Variants in LRRC4C observed in about 807,000 individuals in gnomAD.
LRRC4C encodes the protein leucine rich repeat containing 4C, also known as leucine-rich repeat-containing protein 4C.
Under a neutral mutation model 33.6 loss-of-function variants are expected in LRRC4C, and 5 were observed. The ratio of observed to expected loss-of-function variants is 0.15; its 90% CI spans 0.08 to 0.31. The LOEUF is 0.31. LRRC4C is among the 10% of genes least tolerant of loss of function. The pLI, the probability that LRRC4C is intolerant of heterozygous loss-of-function variation, is 1.00. For synonymous variants in LRRC4C, 329 were observed against 302.0 expected, an observed-to-expected ratio of 1.09 and a Z score of -0.93; for missense variants, 560 against 796.7, an observed-to-expected ratio of 0.70 and a Z score of 3.58.
intron 1 of LRRC4C, among the ~76,000 whole-genome samples, chr11:41,363,346 A>T (rs946930325): frequency 2.0e-5 from 3 of 152,238 alleles, no homozygotes; most frequent in Non-Finnish European, 2.9e-5. Context: ...AGAGCAAAAC[A>T]TCCATTCTGA....
intron 4 of LRRC4C, among the ~76,000 whole-genome samples, chr11:40,291,065 T>C (rs945254058): frequency 6.6e-6 from 1 of 152,114 alleles, no homozygotes; most frequent in African/African-American, 2.4e-5. Flanking sequence ...TAGGCCTCAG[T>C]TTCCTTTTTT....
At chr11:41,358,491 A>C (rs79293908) in intron 1 of LRRC4C, among the ~76,000 whole-genome samples, 2,389 of 152,314 alleles carry the variant, frequency 0.016, 61 homozygotes, top group African/African-American at 0.053. Context: ...AAGTATTTGC[A>C]AAAGACACAT....
intron 2 of LRRC4C, among the ~76,000 whole-genome samples, chr11:40,729,122 A>G (rs535517903): frequency 3.3e-4 from 51 of 152,302 alleles, no homozygotes; most frequent in South Asian, 1.0e-3. Context: ...ATGTACCCCC[A>G]TATCTAAAAT....
chr11:40,849,787 T>C (rs1249521281), intron 2 of LRRC4C, among the ~76,000 whole-genome samples: 1 of 152,020 alleles, frequency 6.6e-6, no homozygotes, highest in Non-Finnish European at 1.5e-5. Flanking sequence ...CAAACATAGG[T>C]TTGATCATTT....
chr11:40,546,057 TCTTCCTTC>T (rs138499350), intron 3 of LRRC4C, among the ~76,000 whole-genome samples: 9,013 of 146,060 alleles, frequency 0.062, 824 homozygotes, highest in African/African-American at 0.2. Context: ...TTTCTCCAAG[TCTTCCTTC>T]CTTCCTTCCT....
intron 5 of LRRC4C, among the ~76,000 whole-genome samples, chr11:40,239,829 T>C (rs566339085): frequency 1.3e-5 from 2 of 152,342 alleles, no homozygotes; most frequent in African/African-American, 4.8e-5. Flanking sequence ...GATACTGCCT[T>C]GGCATATAAA....
At position 40,574,019 on chromosome 11, in the gene LRRC4C, A is replaced by G. The variant is rs537305948; in HGVS notation, c.-270+74123T>C. On this transcript the variant is annotated intron_variant, in intron 3 of 6. Coordinates refer to ENST00000528697, the MANE Select transcript of LRRC4C (RefSeq NM_001258419.2). ...TTTGATTACGGTGTTAAAGTAGCTC[A>G]GTAATTTACTGACACAGCAATTGTC... Among the ~76,000 whole-genome samples the G allele has an allele frequency of 2.0e-5, 3 of 152,354 alleles. No individual in the cohort carries two copies. In the East Asian group the frequency reaches 5.8e-4, roughly 29 times the overall value.
intron 1 of LRRC4C, among the ~76,000 whole-genome samples, chr11:41,244,652 A>G (rs1265165553): frequency 6.6e-6 from 1 of 152,202 alleles, no homozygotes; most frequent in Non-Finnish European, 1.5e-5. Flanking sequence ...TAGATTTGGC[A>G]TTTTTAGCTG....
At chr11:40,429,061 T>C (rs1013039689) in intron 3 of LRRC4C, among the ~76,000 whole-genome samples, 1 of 152,194 alleles carries the variant, frequency 6.6e-6, no homozygotes, top group Admixed American at 6.5e-5. Context: ...ATTTAACTTT[T>C]CCAAATCCTG....
chr11:41,212,370 G>C (rs940089981), intron 1 of LRRC4C, among the ~76,000 whole-genome samples: 1 of 152,208 alleles, frequency 6.6e-6, no homozygotes, highest in Non-Finnish European at 1.5e-5. Flanking sequence ...CCAATAATCT[G>C]ATTATGCTTA....
At chr11:41,169,933 G>A (rs1279820589) in intron 1 of LRRC4C, among the ~76,000 whole-genome samples, 1 of 152,096 alleles carries the variant, frequency 6.6e-6, no homozygotes, top group East Asian at 1.9e-4. Context: ...TAAAATGTTA[G>A]AAGACATTTT....
intron 2 of LRRC4C, among the ~76,000 whole-genome samples, chr11:40,744,337 G>C (rs2136930503): frequency 6.6e-6 from 1 of 152,266 alleles, no homozygotes; most frequent in Non-Finnish European, 1.5e-5. Flanking sequence ...CATCTGAAAA[G>C]ATTAAGAATG....
intron 1 of LRRC4C, among the ~76,000 whole-genome samples, chr11:40,967,749 C>T (rs577704554): frequency 1.3e-5 from 2 of 151,834 alleles, no homozygotes; most frequent in African/African-American, 4.8e-5. Context: ...GTTATGCCAT[C>T]TTTCTCTGTC....
intron 3 of LRRC4C, among the ~76,000 whole-genome samples, chr11:40,401,751 G>T (rs1005281685): frequency 6.6e-6 from 1 of 152,056 alleles, no homozygotes; most frequent in African/African-American, 2.4e-5. Flanking sequence ...AGTGAAAAGG[G>T]TGTGAAATAA....
At chr11:41,224,195 C>T (rs1400850805) in intron 1 of LRRC4C, among the ~76,000 whole-genome samples, 1 of 152,138 alleles carries the variant, frequency 6.6e-6, no homozygotes, top group Admixed American at 6.5e-5. Flanking sequence ...GAAAAAGCCA[C>T]GTTTAGAGGG....
chr11:41,247,365 G>C (rs1164572449), intron 1 of LRRC4C, among the ~76,000 whole-genome samples: 1 of 152,132 alleles, frequency 6.6e-6, no homozygotes, highest in Non-Finnish European at 1.5e-5. Context: ...AGTAATTTCA[G>C]GTGAATTCTC....
chr11:41,228,505 G>T (rs1220609866), intron 1 of LRRC4C, among the ~76,000 whole-genome samples: 2 of 152,050 alleles, frequency 1.3e-5, no homozygotes, highest in Non-Finnish European at 2.9e-5. Flanking sequence ...TCCTTTGATT[G>T]CAATAGATAT....
At chr11:40,651,197 G>A (rs1195124763) in intron 2 of LRRC4C, among the ~76,000 whole-genome samples, 1 of 152,140 alleles carries the variant, frequency 6.6e-6, no homozygotes, top group Non-Finnish European at 1.5e-5. Flanking sequence ...TTTTTTCTCA[G>A]ACTTAGTTTT....
chr11:40,451,617 C>T (rs1951891656), intron 3 of LRRC4C, among the ~76,000 whole-genome samples: 1 of 151,810 alleles, frequency 6.6e-6, no homozygotes, highest in African/African-American at 2.4e-5. Flanking sequence ...AAACTCCTGA[C>T]CTCATGGTCC....
Sources: gnomAD v4.1 joint callset for allele counts (sites outside exome capture counted in the v4.1 genomes callset) on GRCh38, gnomAD v4.1.1 for gene constraint, MANE v1.5 for transcripts, NCBI Gene and HGNC (gene_info 2026-07-23, HGNC 2026-07-21) for gene names.